Variants in CFAP251 observed in about 807,000 individuals in gnomAD.
CFAP251 encodes cilia- and flagella-associated protein 251.
CFAP251 carries 93 observed loss-of-function variants against 126.7 expected under a neutral mutation model. The ratio of observed to expected loss-of-function variants is 0.73; its 90% CI spans 0.62 to 0.87. CFAP251 has a LOEUF of 0.87. Ranked by LOEUF, CFAP251 falls within the 40% of genes least tolerant of loss-of-function variation. The pLI, the probability that CFAP251 is intolerant of heterozygous loss-of-function variation, is 0.00. For missense variants in CFAP251, 1,287 were observed against 1,389.2 expected, an observed-to-expected ratio of 0.93 and a Z score of 1.17; for synonymous variants, 503 against 506.9, an observed-to-expected ratio of 0.99 and a Z score of 0.10.
In CFAP251 at chr12:121,954,636, T is replaced by TAAAAAAAAAAA. The variant is rs1174239421; in HGVS notation, c.1535+324_1535+334dup. On this transcript the variant is annotated intron_variant, in intron 10 of 21. Transcript: ENST00000288912. ...GTGTTAGAGTGAGACCCTCCTGTCTTAAAAAAAAAAAAAAAAAAAAAAAAA... is the reference window on the plus strand; with the variant it reads ...GTGTTAGAGTGAGACCCTCCTGTCTTAAAAAAAAAAAAAAAAAAAAAAAAAAAAAAAAAAAA... Among the ~76,000 whole-genome samples, 18 of 41,984 alleles carry TAAAAAAAAAAA rather than the reference T, an allele frequency of 4.3e-4. 5 individuals are homozygous for TAAAAAAAAAAA. The highest frequency in any genetic ancestry group is 6.8e-4 in the Non-Finnish European group (17 of 25,040). The allele number at this position is 41,984 out of a possible 152,430, so 27.5% of individuals were successfully genotyped here.
intron 21 of CFAP251, among the ~76,000 whole-genome samples, chr12:122,003,366 G>C (rs866938236): frequency 5.9e-5 from 9 of 152,156 alleles, no homozygotes; most frequent in Non-Finnish European, 8.8e-5. Context: ...GAAGCCAGCA[G>C]TTTGAGATCA....
At position 121,988,726 on chromosome 12, in the gene CFAP251, AT is replaced by A. The variant is rs1365407338; in HGVS notation, c.3007-10981del. Among the ~76,000 whole-genome samples, 84 of 142,154 alleles carry A rather than the reference AT, an allele frequency of 5.9e-4. 1 individual carries two copies. The highest frequency in any genetic ancestry group is 1.7e-3 in the African/African-American group (65 of 38,568). The allele number at this position is 142,154 out of a possible 152,430, so 93.3% of individuals were successfully genotyped here. ...TGTGCAAGTTTTTTGTTGTTGTTGG[AT>A]TTTTTTTTCTTTTTTTTCTCTTTTT... On this transcript the variant is annotated intron_variant, in intron 19 of 21. Transcript: ENST00000288912.
intron 14 of CFAP251, among the ~76,000 whole-genome samples, chr12:121,961,711 C>T (rs939842371): frequency 6.6e-6 from 1 of 152,316 alleles, no homozygotes; most frequent in Admixed American, 6.5e-5. Context: ...GAACAGTACC[C>T]CTTTGCAGGG....
chr12:121,975,807 A>G, intron 19 of CFAP251, 122 bp downstream of exon 19: 2 of 1,108,018 alleles, frequency 1.8e-6, no homozygotes, highest in Non-Finnish European at 2.5e-6. Context: ...TGGATCAGAA[A>G]GATGGTTCTG....
At chr12:121,980,319 G>A (rs1280500099) in intron 19 of CFAP251, among the ~76,000 whole-genome samples, 3 of 152,100 alleles carry the variant, frequency 2.0e-5, no homozygotes, top group African/African-American at 2.4e-5. Context: ...TGCAGCAGTC[G>A]CACCCAGGAC....
Position 122,001,523 on chromosome 12 carries a change from T to A in CFAP251, c.3262T>A (p.Leu1088Met), listed in dbSNP as rs749312503. ...TGAGCATATGACGGAGGAGGAGATG[T>A]TGGATTGCTTTGCTTCACTGTTTGG... is the stretch of plus-strand genomic sequence containing the variant. ...KGEHMTEEEM[L>M]DCFASLFGLN... is the part of the protein sequence containing the mutation. The change falls in exon 21 of 22, where the codon TTG becomes ATG. Residue 1088 changes from leucine to methionine, a missense_variant. Coordinates refer to ENST00000288912, the MANE Select transcript of CFAP251 (RefSeq NM_144668.6). 8 of 1,614,118 alleles carry A rather than the reference T, an allele frequency of 5.0e-6. No individual in the cohort carries two copies. The highest frequency in any genetic ancestry group is 6.8e-6 in the Non-Finnish European group (8 of 1,180,008).
chr12:121,967,915 A>C (rs1259497039), intron 16 of CFAP251, 91 bp from the exon 17 acceptor site: 1 of 1,197,734 alleles, frequency 8.3e-7, no homozygotes, highest in East Asian at 2.4e-5. Context: ...TCCTTCTGGC[A>C]CACAGATCTG....
In CFAP251 at chr12:121,934,140, G is replaced by A. The variant is rs11043248; in HGVS notation, c.889-107G>A. On this transcript the variant is annotated intron_variant, in intron 4 of 21. Coordinates refer to ENST00000288912, the MANE Select transcript of CFAP251 (RefSeq NM_144668.6). ...GAACAGAATTTCCAGCCAGATGAGC[G>A]TTGAAAGGAGCTCAGATCTTTCTGT... The A allele has an allele frequency of 1.4e-3, 1,064 of 786,046 alleles. 14 individuals are homozygous for A. In the African/African-American group the frequency reaches 0.016, roughly 12 times the overall value. 48.7% of individuals were successfully genotyped at this position (786,046 alleles called of 1,614,324 possible).
chr12:121,936,876 AG>A (rs1880914981), intron 5 of CFAP251, among the ~76,000 whole-genome samples: 2 of 152,000 alleles, frequency 1.3e-5, no homozygotes, highest in Admixed American at 6.6e-5. Context: ...GATAATTGGA[AG>A]GGGAGAAGGG....
chr12:121,947,997 C>T (rs1881381460), intron 7 of CFAP251: 2 of 152,266 alleles, frequency 1.3e-5, no homozygotes, highest in African/African-American at 2.4e-5. Flanking sequence ...AGCTTTTTTC[C>T]AGCCTGTCCC....
chr12:121,958,485 G>A lies in CFAP251; in HGVS notation c.1944G>A (p.Lys648=). ...KQYLFSRVFE[K]GLGVQSLTYN... ...ATCTTTTCAGCAGGGTTTTTGAGAA[G>A]GGGCTTGGAGTCCAGAGTCTGACCT... is the stretch of plus-strand genomic sequence containing the variant. Residue 648 remains lysine, a synonymous_variant, in exon 12 of 22, where the codon AAG becomes AAA. Transcript: ENST00000288912. The A allele has an allele frequency of 6.2e-7, 1 of 1,614,210 alleles. No homozygotes were observed. The highest frequency in any genetic ancestry group is 2.2e-5 in the East Asian group (1 of 44,870).
intron 19 of CFAP251, among the ~76,000 whole-genome samples, chr12:121,984,319 T>A (rs943202154): frequency 1.3e-5 from 2 of 152,062 alleles, no homozygotes; most frequent in Admixed American, 1.3e-4. Context: ...TTATTTATTT[T>A]TTGAGACTAA....
At chr12:121,971,968 T>C (rs759894135) in intron 17 of CFAP251, 2 of 251,078 alleles carry the variant, frequency 8.0e-6, no homozygotes, top group Non-Finnish European at 1.6e-5. Context: ...TCTCATTCTC[T>C]CTTGCCACTG....
rs138650657 is a variant in CFAP251 at position 121,982,341 on chromosome 12, A to T, written c.3006+6656A>T. ...TCTGCCCCAGCCTCTCTAGTAGCTGATATTATAGGCGCACATCACCACATC... is the reference window on the plus strand; with the variant it reads ...TCTGCCCCAGCCTCTCTAGTAGCTGTTATTATAGGCGCACATCACCACATC... On this transcript the variant is annotated intron_variant, in intron 19 of 21. Transcript: ENST00000288912. 1.2e-3 allele frequency among the ~76,000 whole-genome samples: 176 copies of T among 150,832 alleles called. 2 individuals are homozygous for T. The highest frequency in any genetic ancestry group is 4.0e-3 in the African/African-American group (162 of 40,916).
In CFAP251 at chr12:121,918,941, G is replaced by A. The variant is rs1411395800; in HGVS notation, c.-21+246G>A. On this transcript the variant is annotated intron_variant, in intron 1 of 21. Transcript: ENST00000288912. This position sits in a 1 kb window ranked among gnomAD's most constrained non-coding sequence, Gnocchi z 4.3. ...GGCTCGAACCCGGCTGTCCAGACGC[G>A]CCGGCGAAGTTGGGCTCAGTCAAAA... 6.6e-6 allele frequency among the ~76,000 whole-genome samples: 1 copy of A among 152,078 alleles called. No homozygotes were observed. The highest frequency in any genetic ancestry group is 1.5e-5 in the Non-Finnish European group (1 of 67,998).
intron 15 of CFAP251, 75 bp downstream of exon 15, chr12:121,962,237 A>G: frequency 7.2e-7 from 1 of 1,392,694 alleles, no homozygotes; most frequent in South Asian, 1.3e-5. Flanking sequence ...AGGTCTCCAC[A>G]TAGGGACCTG....
chr12:121,999,006 T>C (rs1374143567), intron 19 of CFAP251: 2 of 151,926 alleles, frequency 1.3e-5, no homozygotes, highest in African/African-American at 2.4e-5. Flanking sequence ...AAGTATGATG[T>C]TAGCTGTGGG....
intron 14 of CFAP251, 78 bp from the exon 15 acceptor site, chr12:121,961,900 C>T (rs1881951114): frequency 6.9e-7 from 1 of 1,442,224 alleles, no homozygotes; most frequent in Non-Finnish European, 9.5e-7. Context: ...AAGGCTGTCA[C>T]CCAAGAGCTT....
chr12:121,964,200 G>A (rs1248289107), intron 15 of CFAP251, among the ~76,000 whole-genome samples: 1 of 151,930 alleles, frequency 6.6e-6, no homozygotes, highest in Non-Finnish European at 1.5e-5. Flanking sequence ...TTCCCAGAAG[G>A]CACAAGAAAA....
Sources: gnomAD v4.1 joint callset for allele counts (sites outside exome capture counted in the v4.1 genomes callset) on GRCh38, gnomAD v4.1.1 for gene constraint, Gnocchi (gnomAD v3.1) non-coding constraint, MANE v1.5 for transcripts, NCBI Gene and HGNC (gene_info 2026-07-23, HGNC 2026-07-21) for gene names.